The following MYO1B variants were observed in gnomAD, a reference collection of about 807,000 sequenced individuals.
MYO1B encodes myosin IB, also known as unconventional myosin-Ib.
Under a neutral mutation model 159.7 loss-of-function variants are expected in MYO1B, and 72 were observed. That is an observed-to-expected ratio of 0.45 (90% CI 0.37 to 0.55). MYO1B has a LOEUF of 0.55. Among genes scored for constraint, MYO1B ranks in the 20% least tolerant of loss-of-function variants. The pLI, the probability that MYO1B is intolerant of heterozygous loss-of-function variation, is 0.00. For missense variants in MYO1B, 1,062 were observed against 1,364.8 expected, an observed-to-expected ratio of 0.78 and a Z score of 3.50; for synonymous variants, 468 against 473.8, an observed-to-expected ratio of 0.99 and a Z score of 0.16.
chr2:191,359,312 G>GTTTTTTTTTTTTTTTTTTTTTTTTT, intron 7 of MYO1B, among the ~76,000 whole-genome samples: 1 of 134,732 alleles, frequency 7.4e-6, no homozygotes, highest in Non-Finnish European at 1.6e-5. Flanking sequence ...AACCTTTGGG[G>GTTTTTTTTTTTTTTTTTTTTTTTTT]TTTTTTTTTT....
chr2:191,399,641 T>G (rs1574613181), intron 21 of MYO1B, among the ~76,000 whole-genome samples: 1 of 152,184 alleles, frequency 6.6e-6, no homozygotes, highest in African/African-American at 2.4e-5. Flanking sequence ...TGGAGCCCTT[T>G]CAGAGGGTAG....
intron 29 of MYO1B, 54 bp from the exon 30 acceptor site, chr2:191,416,061 A>G: frequency 6.4e-7 from 1 of 1,574,478 alleles, no homozygotes; most frequent in Non-Finnish European, 8.6e-7. Context: ...GCCTGTAAAT[A>G]TTGACCTTCT....
intron 3 of MYO1B, among the ~76,000 whole-genome samples, chr2:191,318,164 T>C (rs1250036891): frequency 2.0e-5 from 3 of 152,172 alleles, no homozygotes; most frequent in African/African-American, 7.2e-5. Flanking sequence ...GTAATAGATG[T>C]AGAAATAGGA....
At chr2:191,309,704 A>T (rs1473876900) in intron 3 of MYO1B, among the ~76,000 whole-genome samples, 1 of 152,086 alleles carries the variant, frequency 6.6e-6, no homozygotes, top group Non-Finnish European at 1.5e-5. Flanking sequence ...AGAGGGGCTG[A>T]CTTGTTCTCT....
At chr2:191,247,466 T>C (rs1289654702) in intron 1 of MYO1B, among the ~76,000 whole-genome samples, 1 of 152,176 alleles carries the variant, frequency 6.6e-6, no homozygotes, top group East Asian at 1.9e-4. Context: ...TCGTGGGGGA[T>C]GTGGTCAAAT....
intron 3 of MYO1B, among the ~76,000 whole-genome samples, chr2:191,315,488 C>A (rs1334748503): frequency 6.6e-6 from 1 of 151,952 alleles, no homozygotes; most frequent in African/African-American, 2.4e-5. Context: ...TAGATGAGAC[C>A]CCAGTGAAAG....
chr2:191,372,325 A>T (rs1047384977), intron 13 of MYO1B, among the ~76,000 whole-genome samples: 5 of 152,230 alleles, frequency 3.3e-5, no homozygotes. Context: ...AAAAAATAGG[A>T]TAATGAGGTT....
At chr2:191,296,825 T>C (rs1045640739) in intron 3 of MYO1B, among the ~76,000 whole-genome samples, 1 of 152,238 alleles carries the variant, frequency 6.6e-6, no homozygotes, top group African/African-American at 2.4e-5. Flanking sequence ...GTTGACGTGC[T>C]TAAGAGATGC....
At chr2:191,324,286 T>G (rs536141568) in intron 3 of MYO1B, among the ~76,000 whole-genome samples, 32 of 152,266 alleles carry the variant, frequency 2.1e-4, no homozygotes, top group South Asian at 4.1e-4. Context: ...ATTCAATTAT[T>G]TATTTCTGTT....
At chr2:191,249,897 T>C (rs1327323079) in intron 1 of MYO1B, among the ~76,000 whole-genome samples, 1 of 152,170 alleles carries the variant, frequency 6.6e-6, no homozygotes, top group Non-Finnish European at 1.5e-5. Flanking sequence ...TTTGCTAAAC[T>C]CTAACAGGTG....
chr2:191,295,322 C>T (rs761555568), intron 2 of MYO1B, among the ~76,000 whole-genome samples: 11 of 151,826 alleles, frequency 7.2e-5, no homozygotes, highest in Non-Finnish European at 8.8e-5. Flanking sequence ...AATTTAGGGT[C>T]GAAGTAGACA....
intron 1 of MYO1B, among the ~76,000 whole-genome samples, chr2:191,247,723 C>T (rs546625290): frequency 1.3e-5 from 2 of 152,360 alleles, no homozygotes; most frequent in Admixed American, 6.5e-5. Flanking sequence ...CTCTCAAGTA[C>T]TCATTGTTCT....
chr2:191,423,393 A>G (rs1251398515), intron 30 of MYO1B, among the ~76,000 whole-genome samples: 2 of 152,204 alleles, frequency 1.3e-5, no homozygotes, highest in Non-Finnish European at 2.9e-5. Flanking sequence ...GCTCCATCAT[A>G]ATCTTATAGG....
chr2:191,282,022 A>G (rs1412922618), intron 2 of MYO1B, among the ~76,000 whole-genome samples: 3 of 152,218 alleles, frequency 2.0e-5, no homozygotes, highest in East Asian at 3.9e-4. Context: ...TACTCAAGAT[A>G]TAGTACCATA....
At chr2:191,263,182 A>G (rs1323027613) in intron 1 of MYO1B, 4 of 223,844 alleles carry the variant, frequency 1.8e-5, no homozygotes, top group Non-Finnish European at 3.0e-5. Context: ...ATTAACTCAT[A>G]TAAAACAGCC....
At chr2:191,380,686 T>C (rs1694987036) in intron 13 of MYO1B, among the ~76,000 whole-genome samples, 1 of 152,222 alleles carries the variant, frequency 6.6e-6, no homozygotes, top group East Asian at 1.9e-4. Flanking sequence ...GAGAGGCTGC[T>C]GAGACTTCTA....
chr2:191,419,501 A>T (rs1175054577), intron 30 of MYO1B, among the ~76,000 whole-genome samples: 1 of 152,078 alleles, frequency 6.6e-6, no homozygotes, highest in East Asian at 1.9e-4. Context: ...TATAGGCGTG[A>T]GCCACCACGC....
chr2:191,301,414 A>G (rs1574377001), intron 3 of MYO1B, among the ~76,000 whole-genome samples: 2 of 121,088 alleles, frequency 1.7e-5, no homozygotes, highest in African/African-American at 2.7e-5. Flanking sequence ...TGAAAATCCA[A>G]AATCTTAAAT....
chr2:191,319,874 G>A (rs1690588653), intron 3 of MYO1B, among the ~76,000 whole-genome samples: 1 of 152,148 alleles, frequency 6.6e-6, no homozygotes, highest in Non-Finnish European at 1.5e-5. Flanking sequence ...GACAAGATTA[G>A]GAATGGAGAA....
Sources: allele counts gnomAD v4.1 joint callset (sites outside exome capture counted in the v4.1 genomes callset), GRCh38; gene constraint gnomAD v4.1.1; transcripts MANE v1.5; gene names NCBI Gene and HGNC (gene_info 2026-07-23, HGNC 2026-07-21).